The following SERAC1 variants were observed in gnomAD, a reference collection of about 807,000 sequenced individuals.
SERAC1 encodes serine active site containing 1, also known as protein SERAC1.
Under a neutral mutation model 85.7 loss-of-function variants are expected in SERAC1, and 36 were observed. The observed-to-expected ratio is 0.42, with a 90% CI of 0.32 to 0.55. The LOEUF is 0.55. Ranked by LOEUF, SERAC1 falls within the 20% of genes least tolerant of loss-of-function variation. The pLI is 0.11. For missense variants in SERAC1, 629 were observed against 796.2 expected (o/e 0.79, Z 2.53); for synonymous variants, 242 against 265.3 (o/e 0.91, Z 0.85).
At chr6:158,141,369 T>C (rs2128419282) in intron 8 of SERAC1, among the ~76,000 whole-genome samples, 1 of 152,350 alleles carries the variant, frequency 6.6e-6, no homozygotes, top group East Asian at 1.9e-4. Context: ...GGAGTAATGA[T>C]TATACAACTC....
chr6:158,155,118 C>T (rs1339286515), intron 3 of SERAC1, among the ~76,000 whole-genome samples, 197 bp downstream of exon 3: 5 of 152,152 alleles, frequency 3.3e-5, no homozygotes, highest in Non-Finnish European at 5.9e-5. Context: ...CATTTGGCTC[C>T]AAGAGAAAGC....
chr6:158,156,502 T>C (rs1360999894), intron 2 of SERAC1, among the ~76,000 whole-genome samples: 1 of 151,966 alleles, frequency 6.6e-6, no homozygotes. Flanking sequence ...AGCAAGCATC[T>C]TGTGACCATG....
At chr6:158,125,244 G>T (rs1784512940) in intron 10 of SERAC1, among the ~76,000 whole-genome samples, 1 of 152,104 alleles carries the variant, frequency 6.6e-6, no homozygotes, top group Non-Finnish European at 1.5e-5. Context: ...CACATTGTAT[G>T]CTTGTATCAA....
intron 8 of SERAC1, among the ~76,000 whole-genome samples, chr6:158,133,801 AG>A (rs1414727651): frequency 6.6e-6 from 1 of 152,172 alleles, no homozygotes; most frequent in African/African-American, 2.4e-5. Flanking sequence ...AAGGGTCCTT[AG>A]GGGTATGGGG....
intron 14 of SERAC1, among the ~76,000 whole-genome samples, chr6:158,115,237 G>A (rs1031088626): frequency 6.6e-6 from 1 of 152,188 alleles, no homozygotes; most frequent in Non-Finnish European, 1.5e-5. Flanking sequence ...AGGATCTACT[G>A]TCCCAGTGCA....
At chr6:158,111,533 AG>A in intron 16 of SERAC1, 31 bp from the exon 17 acceptor site, 1 of 1,536,720 alleles carries the variant, frequency 6.5e-7, no homozygotes, top group Non-Finnish European at 8.8e-7. Context: ...AATAAACCTA[AG>A]TAAAAATATA....
chr6:158,127,357 G>A (rs1583572067), intron 10 of SERAC1, among the ~76,000 whole-genome samples: 2 of 25,942 alleles, frequency 7.7e-5, no homozygotes, highest in African/African-American at 1.6e-4. Context: ...CAGCCGCCCC[G>A]TCCGGGAGGG....
chr6:158,162,583 T>TGC (rs1785511586), intron 1 of SERAC1, among the ~76,000 whole-genome samples: 2 of 152,234 alleles, frequency 1.3e-5, no homozygotes, highest in Admixed American at 1.3e-4. Context: ...GATACTCCTA[T>TGC]TAGATGTATG....
At chr6:158,114,683 AC>A in intron 15 of SERAC1, 105 bp downstream of exon 15, 1 of 1,562,770 alleles carries the variant, frequency 6.4e-7, no homozygotes, top group African/African-American at 1.4e-5. Context: ...ACAATTATAT[AC>A]AAATTATAAA....
chr6:158,143,347 C>CTA (rs753604114), intron 7 of SERAC1, among the ~76,000 whole-genome samples, 163 bp from the exon 8 acceptor site: 12 of 46,362 alleles, frequency 2.6e-4, no homozygotes, highest in South Asian at 7.0e-4. Context: ...CTCTCTCTCT[C>CTA]TATATATATA....
At chr6:158,160,416 C>T (rs919461200) in intron 1 of SERAC1, among the ~76,000 whole-genome samples, 4 of 152,168 alleles carry the variant, frequency 2.6e-5, no homozygotes, top group African/African-American at 9.7e-5. Context: ...GATATGCCAT[C>T]AGGTGCACAC....
chr6:158,150,429 A>C, intron 4 of SERAC1, 24 bp downstream of exon 4: 1 of 1,527,298 alleles, frequency 6.5e-7, no homozygotes, highest in African/African-American at 1.4e-5. Context: ...TTTTTCACAG[A>C]GGATTACTTT....
rs549869661 is a variant in SERAC1 at position 158,110,277 on chromosome 6, T to C, written c.*1089A>G. 6 of 152,298 alleles carry C rather than the reference T, an allele frequency of 3.9e-5. No individual in the cohort carries two copies. The highest frequency in any genetic ancestry group is 8.8e-5 in the Non-Finnish European group (6 of 68,070). The allele number at this position is 152,298 out of a possible 1,614,324, so 9.4% of individuals were successfully genotyped here. A position where few individuals can be genotyped will look rare whatever the true frequency, so the allele number is the denominator to read the frequency against. ...GGCATGTGCCTGTAGTCCTAGCTGC[T>C]TGGGAGGCTGAAGCAAAAGGATCTC... On this transcript the variant is annotated 3_prime_UTR_variant, in exon 17 of 17. Coordinates refer to ENST00000647468, the MANE Select transcript of SERAC1 (RefSeq NM_032861.4).
intron 6 of SERAC1, 85 bp downstream of exon 6, chr6:158,146,697 A>T: frequency 1.9e-6 from 3 of 1,550,028 alleles, no homozygotes; most frequent in Non-Finnish European, 2.6e-6. Flanking sequence ...GGCGTGAGCC[A>T]CCGCACCTGG....
chr6:158,158,538 G>T, intron 1 of SERAC1, 174 bp from the exon 2 acceptor site: 2 of 492,604 alleles, frequency 4.1e-6, no homozygotes, highest in Non-Finnish European at 7.2e-6. Flanking sequence ...AACTTAAAAG[G>T]GACTTATTAG....
chr6:158,143,023 A>C, intron 8 of SERAC1, 33 bp downstream of exon 8: 1 of 1,572,438 alleles, frequency 6.4e-7, no homozygotes, highest in Non-Finnish European at 8.7e-7. Flanking sequence ...GTGGACACTC[A>C]AAAATATTTA....
chr6:158,111,064 ACT>A lies in SERAC1; in HGVS notation c.*300_*301del, dbSNP rs148102913. 1,469 of 195,730 alleles carry A rather than the reference ACT, an allele frequency of 7.5e-3. 24 individuals carry two copies. Among genetic ancestry groups the A allele is most frequent in the African/African-American group, 0.032 (1,381 of 43,212 alleles). 12.1% of individuals were successfully genotyped at this position (195,730 alleles called of 1,614,324 possible). A position where few individuals can be genotyped will look rare whatever the true frequency, so the allele number is the denominator to read the frequency against. Reference sequence around the variant, plus strand: ...AGGAAAGTCACAGATGGGAAAGGACACTCTCTCACAGCAGCTTTGCTCCAGTC... The same window carrying A: ...AGGAAAGTCACAGATGGGAAAGGACACTCTCACAGCAGCTTTGCTCCAGTC... On this transcript the variant is annotated 3_prime_UTR_variant, in exon 17 of 17. Coordinates refer to ENST00000647468, the MANE Select transcript of SERAC1 (RefSeq NM_032861.4).
rs540066916 is a variant in SERAC1, at chr6:158,119,248, G to A, written c.1167-78C>T. 150 of 1,476,252 alleles carry A rather than the reference G, an allele frequency of 1.0e-4. 1 individual carries two copies. The South Asian group carries it at 1.7e-3, about 17-fold the overall frequency. The allele number at this position is 1,476,252 out of a possible 1,614,324, so 91.4% of individuals were successfully genotyped here. On this transcript the variant is annotated intron_variant, in intron 11 of 16. Coordinates refer to ENST00000647468, the MANE Select transcript of SERAC1 (RefSeq NM_032861.4). This position sits in a 1 kb window ranked among gnomAD's most constrained non-coding sequence, Gnocchi z 4.5. The stretch of plus-strand genomic sequence containing the variant: ...GGTAAGAATCTACACAGCATTCTCT[G>A]TGGATGGTGCTTTAGCAGGCTTATG...
chr6:158,168,227 G>T lies in SERAC1; in HGVS notation c.-89C>A, dbSNP rs1025455064. ...CTACTCTTTCCGCGGCTCCCGGCCGGGACCCTCCACCCGGCGGCTGGCGGC... is the reference window on the plus strand; with the variant it reads ...CTACTCTTTCCGCGGCTCCCGGCCGTGACCCTCCACCCGGCGGCTGGCGGC... On this transcript the variant is annotated 5_prime_UTR_variant, in exon 1 of 17. Transcript: ENST00000647468. 6.6e-6 allele frequency: 1 copy of T among 152,326 alleles called. No homozygotes were observed. The highest frequency in any genetic ancestry group is 1.5e-5 in the Non-Finnish European group (1 of 68,152). The allele number at this position is 152,326 out of a possible 1,614,324, so 9.4% of individuals were successfully genotyped here.
Sources: gnomAD v4.1 joint callset for allele counts (sites outside exome capture counted in the v4.1 genomes callset) on GRCh38, gnomAD v4.1.1 for gene constraint, Gnocchi (gnomAD v3.1) non-coding constraint, MANE v1.5 for transcripts, NCBI Gene and HGNC (gene_info 2026-07-23, HGNC 2026-07-21) for gene names.